Variants in FOXP2 observed in about 807,000 individuals in gnomAD.
The protein encoded by FOXP2 is forkhead box protein P2.
In FOXP2, 12 loss-of-function variants were observed where a neutral mutation model predicts 115.8. The observed-to-expected ratio is 0.10, with a 90% CI of 0.07 to 0.17. The LOEUF (loss-of-function observed/expected upper bound fraction) is 0.17. Among genes scored for constraint, FOXP2 ranks in the 10% least tolerant of loss-of-function variants. The pLI is 1.00. For synonymous variants in FOXP2, 328 were observed against 297.7 expected (o/e 1.10, Z -1.05); for missense variants, 629 against 843.5 (o/e 0.75, Z 3.15).
chr7:114,286,700 C>T (rs551834643), intron 1 of FOXP2, among the ~76,000 whole-genome samples: 21 of 152,076 alleles, frequency 1.4e-4, no homozygotes, highest in African/African-American at 5.1e-4. Context: ...ATTCCAATTA[C>T]CTTAATGTTT....
chr7:114,188,229 A>G (rs1307649969), intron 1 of FOXP2, among the ~76,000 whole-genome samples: 2 of 152,216 alleles, frequency 1.3e-5, no homozygotes, highest in Admixed American at 1.3e-4. Flanking sequence ...TTGTATTTGG[A>G]ATAAAATACG....
intron 2 of FOXP2, among the ~76,000 whole-genome samples, chr7:114,462,483 T>C (rs914308701): frequency 2.0e-5 from 3 of 148,102 alleles, no homozygotes; most frequent in African/African-American, 7.4e-5. Context: ...GCGATTCTCC[T>C]GCCTCAGCCT....
intron 2 of FOXP2, among the ~76,000 whole-genome samples, chr7:114,517,641 A>C (rs186834693): frequency 6.6e-5 from 10 of 152,216 alleles, no homozygotes; most frequent in Non-Finnish European, 1.3e-4. Context: ...CTGTAAGTGC[A>C]TGGATTTACT....
At chr7:114,361,620 A>G (rs1427503618) in intron 2 of FOXP2, among the ~76,000 whole-genome samples, 1 of 152,106 alleles carries the variant, frequency 6.6e-6, no homozygotes, top group African/African-American at 2.4e-5. Flanking sequence ...AATTTTAGAA[A>G]TACTTTTATA....
chr7:114,415,776 G>C (rs1409753759), intron 1 of FOXP2, among the ~76,000 whole-genome samples: 2 of 151,950 alleles, frequency 1.3e-5, no homozygotes, highest in Non-Finnish European at 2.9e-5. Flanking sequence ...CCACACGTTT[G>C]GGTGCCTCTC....
intron 1 of FOXP2, among the ~76,000 whole-genome samples, chr7:114,255,857 C>T (rs1243583756): frequency 1.3e-5 from 2 of 152,142 alleles, no homozygotes; most frequent in East Asian, 3.9e-4. Context: ...GTTGGAAATG[C>T]AGAAATCACC....
chr7:114,283,267 A>C (rs1213757725), intron 1 of FOXP2, among the ~76,000 whole-genome samples: 1 of 152,240 alleles, frequency 6.6e-6, no homozygotes. Flanking sequence ...TGTGCTATAC[A>C]ATATTAAAAC....
At chr7:114,338,780 AC>A (rs1030157372) in intron 2 of FOXP2, among the ~76,000 whole-genome samples, 2 of 148,300 alleles carry the variant, frequency 1.3e-5, no homozygotes, top group African/African-American at 5.0e-5. Context: ...ACACACACAC[AC>A]ATCTACATAC....
At chr7:114,599,174 A>G (rs1017574555) in intron 3 of FOXP2, among the ~76,000 whole-genome samples, 2 of 151,996 alleles carry the variant, frequency 1.3e-5, no homozygotes, top group Non-Finnish European at 2.9e-5. Context: ...GGAGCTTTCT[A>G]TATTTCTTTA....
chr7:114,478,153 G>C (rs773439537), intron 2 of FOXP2, among the ~76,000 whole-genome samples: 3 of 151,742 alleles, frequency 2.0e-5, no homozygotes, highest in Admixed American at 6.6e-5. Context: ...AGAAGTTGGA[G>C]ATATTTTTAT....
chr7:114,423,225 G>A (rs1375349092), intron 1 of FOXP2, among the ~76,000 whole-genome samples: 1 of 151,670 alleles, frequency 6.6e-6, no homozygotes, highest in African/African-American at 2.4e-5. Flanking sequence ...AATTCTGCAA[G>A]TAAATATTGT....
intron 1 of FOXP2, among the ~76,000 whole-genome samples, chr7:114,283,822 G>T (rs1290628172): frequency 2.0e-5 from 3 of 151,880 alleles, no homozygotes. Context: ...AATTACTCAG[G>T]TGTGTGGCTC....
intron 3 of FOXP2, among the ~76,000 whole-genome samples, chr7:114,602,771 C>A (rs1426774306): frequency 6.6e-6 from 1 of 152,084 alleles, no homozygotes; most frequent in East Asian, 1.9e-4. Flanking sequence ...TACTTATTTG[C>A]ATTTATTTTA....
intron 8 of FOXP2, among the ~76,000 whole-genome samples, chr7:114,650,038 G>A (rs898026091): frequency 6.6e-6 from 1 of 152,062 alleles, no homozygotes; most frequent in Non-Finnish European, 1.5e-5. Flanking sequence ...GTTCTTTTGT[G>A]TTCCACTGAA....
chr7:114,249,270 A>G (rs1301149690), intron 1 of FOXP2, among the ~76,000 whole-genome samples: 7 of 152,128 alleles, frequency 4.6e-5, no homozygotes, highest in Admixed American at 1.3e-4. Flanking sequence ...TTACATAGGT[A>G]AACGTGTGCC....
chr7:114,251,285 T>A (rs1346610525), intron 1 of FOXP2, among the ~76,000 whole-genome samples: 1 of 152,198 alleles, frequency 6.6e-6, no homozygotes, highest in Non-Finnish European at 1.5e-5. Context: ...TGTGGGCTCT[T>A]TTTTGGTTCC....
intron 1 of FOXP2, among the ~76,000 whole-genome samples, chr7:114,172,032 T>C (rs971206222): frequency 6.6e-6 from 1 of 152,160 alleles, no homozygotes; most frequent in South Asian, 2.1e-4. Flanking sequence ...TGCAATCTCA[T>C]GATAAAACTT....
intron 8 of FOXP2, among the ~76,000 whole-genome samples, chr7:114,649,050 G>A (rs1000446891): frequency 3.3e-5 from 5 of 151,938 alleles, no homozygotes; most frequent in East Asian, 1.9e-4. Flanking sequence ...GTGTGTAATC[G>A]CCTTGTTAGC....
chr7:114,426,529 G>A lies in FOXP2; in HGVS notation c.18G>A (p.Ala6=), dbSNP rs751650034. The part of the protein sequence containing the change: MMQES[A]TETISNSSMN... ...ATTAAGTCATGATGCAGGAATCTGC[G>A]ACAGAGACAATAAGCAACAGTTCAA... is the stretch of plus-strand genomic sequence containing the variant. The change falls in exon 2 of 17, where the codon GCG becomes GCA. Residue 6 remains alanine, a synonymous_variant. Coordinates refer to ENST00000350908, the MANE Select transcript of FOXP2 (RefSeq NM_014491.4). 7.4e-6 allele frequency: 12 copies of A among 1,610,998 alleles called. No individual in the cohort carries two copies. The highest frequency in any genetic ancestry group is 1.7e-4 in the Middle Eastern group (1 of 6,042).
Sources: gnomAD v4.1 joint callset for allele counts (sites outside exome capture counted in the v4.1 genomes callset) on GRCh38, gnomAD v4.1.1 for gene constraint, MANE v1.5 for transcripts, NCBI Gene and HGNC (gene_info 2026-07-23, HGNC 2026-07-21) for gene names.